CTBP1: variants seen among roughly 807,000 people sequenced by gnomAD.
CTBP1 encodes the protein C-terminal binding protein 1.
In CTBP1, 11 loss-of-function variants were observed where a neutral mutation model predicts 42.1. The observed-to-expected ratio is 0.26, with a 90% CI of 0.16 to 0.43. The LOEUF (loss-of-function observed/expected upper bound fraction) is 0.43, where lower values mean the gene tolerates loss of function less well. Among genes scored for constraint, CTBP1 ranks in the 20% least tolerant of loss-of-function variants. CTBP1 has a pLI of 1.00. For synonymous variants in CTBP1, 324 were observed against 277.1 expected (o/e 1.17, Z -1.68); for missense variants, 399 against 624.3 (o/e 0.64, Z 3.85).
chr4:1,241,758 C>A, intron 1 of CTBP1: 1 of 1,193,352 alleles, frequency 8.4e-7, no homozygotes, highest in South Asian at 1.6e-5. Flanking sequence ...GCCCCTGTGG[C>A]CCCGAGGCCT....
intron 3 of CTBP1, among the ~76,000 whole-genome samples, chr4:1,228,833 C>T (rs1056894282): frequency 6.6e-6 from 1 of 152,194 alleles, no homozygotes; most frequent in Admixed American, 6.5e-5. Context: ...GGTAAGTCCC[C>T]GCGGCACACA....
chr4:1,222,892 C>T (rs1577034132), intron 5 of CTBP1, among the ~76,000 whole-genome samples: 1 of 152,016 alleles, frequency 6.6e-6, no homozygotes, highest in Non-Finnish European at 1.5e-5. Flanking sequence ...CTACTCTTAC[C>T]AGGGGAACTA....
At chr4:1,247,435 G>A (rs1158962102) in intron 1 of CTBP1, among the ~76,000 whole-genome samples, 1 of 152,026 alleles carries the variant, frequency 6.6e-6, no homozygotes, top group Non-Finnish European at 1.5e-5. Flanking sequence ...CCAGACCCCA[G>A]AGGGAGGTGG....
At position 1,238,369 on chromosome 4, in the gene CTBP1, A is replaced by G; in HGVS notation, c.8-32T>C. The G allele has an allele frequency of 5.2e-6, 8 of 1,524,724 alleles. No individual in the cohort carries two copies. The highest frequency in any genetic ancestry group is 7.0e-6 in the Non-Finnish European group (8 of 1,137,308). The allele number at this position is 1,524,724 out of a possible 1,614,324, so 94.4% of individuals were successfully genotyped here. ...GACAGAGGCAAGTGCTCAGCCTTGC[A>G]CCACTGCGGCCCCGTGGCTACAACC... On this transcript the variant is annotated intron_variant, in intron 2 of 9. Coordinates refer to ENST00000382952, the MANE Select transcript of CTBP1 (RefSeq NM_001012614.2). The surrounding 1 kb of genome is among the most constrained non-coding windows in gnomAD (Gnocchi z 5.9).
intron 3 of CTBP1, chr4:1,237,018 A>C (rs1731586887): frequency 1.5e-6 from 1 of 670,036 alleles, no homozygotes; most frequent in Non-Finnish European, 2.7e-6. Flanking sequence ...GCACAGGGCA[A>C]ACCCAGTGTC....
chr4:1,227,190 G>A (rs1037942201), intron 4 of CTBP1, among the ~76,000 whole-genome samples: 1 of 152,030 alleles, frequency 6.6e-6, no homozygotes, highest in Admixed American at 6.5e-5. Context: ...GCAGACGTGC[G>A]TGTTCCATGA....
chr4:1,241,744 C>T (rs1239491246), intron 1 of CTBP1: 2 of 1,198,238 alleles, frequency 1.7e-6, no homozygotes, highest in East Asian at 1.1e-4. Flanking sequence ...AGGCCCGAGG[C>T]CGCGCCCCTG....
chr4:1,247,307 T>C (rs1237580095), intron 1 of CTBP1, among the ~76,000 whole-genome samples: 2 of 151,936 alleles, frequency 1.3e-5, no homozygotes, highest in African/African-American at 4.8e-5. Flanking sequence ...CCAGTGCGTG[T>C]CCCTCCCAGA....
intron 6 of CTBP1, among the ~76,000 whole-genome samples, chr4:1,215,058 C>T (rs558013600): frequency 5.3e-5 from 8 of 152,362 alleles, no homozygotes; most frequent in East Asian, 1.9e-4. Context: ...CACCCAGCCA[C>T]GGTGCTTGGC....
rs1352811117 is a variant in CTBP1 at position 1,233,260 on chromosome 4, G to C, written c.163-4917C>G. On this transcript the variant is annotated intron_variant, in intron 3 of 9. Coordinates refer to ENST00000382952, the MANE Select transcript of CTBP1 (RefSeq NM_001012614.2). This position sits in a 1 kb window ranked among gnomAD's most constrained non-coding sequence, Gnocchi z 4.6. ...TTACCATGACAACGCCAGCTTGTGT[G>C]TTTTTCCCAGTCACCATGACAACGC... 1 of 152,314 alleles carries C rather than the reference G, an allele frequency of 6.6e-6. No individual in the cohort carries two copies. Among genetic ancestry groups the C allele is most frequent in the African/African-American group, 2.4e-5 (1 of 41,462 alleles). The allele number at this position is 152,314 out of a possible 1,614,324, so 9.4% of individuals were successfully genotyped here. A position where few individuals can be genotyped will look rare whatever the true frequency, so the allele number is the denominator to read the frequency against.
chr4:1,245,364 AC>A, intron 1 of CTBP1: 2 of 985,000 alleles, frequency 2.0e-6, no homozygotes, highest in Non-Finnish European at 2.4e-6. Context: ...AGCTCCAGGA[AC>A]CCCCAGAACG....
chr4:1,249,060 G>A lies in CTBP1; in HGVS notation c.-333C>T. 2 of 424,806 alleles carry A rather than the reference G, an allele frequency of 4.7e-6. No individual in the cohort carries two copies. Among genetic ancestry groups the A allele is most frequent in the Non-Finnish European group, 6.2e-6 (2 of 320,700 alleles). 26.3% of individuals were successfully genotyped at this position (424,806 alleles called of 1,614,324 possible). ...GCGCCGTCCGCTGCTCCGCCCGCCC[G>A]CCTGCGCCTGGCCGCCGCCGTGCCG... is the stretch of plus-strand genomic sequence containing the variant. On this transcript the variant is annotated 5_prime_UTR_variant, in exon 1 of 10. Transcript: ENST00000382952.
At chr4:1,243,231 G>A (rs562065623) in intron 1 of CTBP1, 4 of 985,372 alleles carry the variant, frequency 4.1e-6, no homozygotes, top group Non-Finnish European at 4.8e-6. Flanking sequence ...ATCTATACTG[G>A]CCAGTACGTG....
At chr4:1,243,874 A>C (rs1732442723) in intron 1 of CTBP1, 1 of 985,466 alleles carries the variant, frequency 1.0e-6, no homozygotes, top group Non-Finnish European at 1.2e-6. Flanking sequence ...CAGCGACACG[A>C]GGACAGTCTC....
chr4:1,238,463 T>A lies in CTBP1; in HGVS notation c.8-126A>T. ...GCCGGGGGTTTTCTGGTCTATATGT[T>A]GTGATATTTGTAAAAAGTAAATTAA... On this transcript the variant is annotated intron_variant, in intron 2 of 9. Transcript: ENST00000382952. The surrounding 1 kb of genome is among the most constrained non-coding windows in gnomAD (Gnocchi z 5.9). The A allele has an allele frequency of 1.8e-6, 2 of 1,121,070 alleles. No individual in the cohort carries two copies. Among genetic ancestry groups the A allele is most frequent in the Non-Finnish European group, 2.4e-6 (2 of 820,482 alleles). The allele number at this position is 1,121,070 out of a possible 1,614,324, so 69.4% of individuals were successfully genotyped here. A position where few individuals can be genotyped will look rare whatever the true frequency, so the allele number is the denominator to read the frequency against.
chr4:1,215,645 G>C, intron 6 of CTBP1: 1 of 353,316 alleles, frequency 2.8e-6, no homozygotes, highest in South Asian at 2.9e-5. Context: ...TGTGAAACCT[G>C]AACCTGGCAG....
At position 1,215,656 on chromosome 4, in the gene CTBP1, C is replaced by T. The variant is rs919021889; in HGVS notation, c.729+335G>A. The T allele has an allele frequency of 1.3e-4, 48 of 370,462 alleles. No individual in the cohort carries two copies. In the East Asian group the frequency reaches 3.0e-3, roughly 23 times the overall value. The allele number at this position is 370,462 out of a possible 1,614,324, so 22.9% of individuals were successfully genotyped here. Reference sequence around the variant, plus strand: ...CAGATGTGAAACCTGAACCTGGCAGCACGGAAGTCACAAGGGCCGACCCAA... The same window carrying T: ...CAGATGTGAAACCTGAACCTGGCAGTACGGAAGTCACAAGGGCCGACCCAA... On this transcript the variant is annotated intron_variant, in intron 6 of 9. Transcript: ENST00000382952.
intron 2 of CTBP1, among the ~76,000 whole-genome samples, chr4:1,241,031 G>T (rs1263766788): frequency 6.6e-6 from 1 of 152,214 alleles, no homozygotes; most frequent in Non-Finnish European, 1.5e-5. Flanking sequence ...CGTGCTGGCG[G>T]CCTCCACATG....
intron 5 of CTBP1, among the ~76,000 whole-genome samples, chr4:1,225,099 G>A (rs1179833083): frequency 6.6e-6 from 1 of 152,006 alleles, no homozygotes; most frequent in African/African-American, 2.4e-5. Context: ...GTCTGTGTGA[G>A]GCTGTGTGTG....
Sources: allele counts gnomAD v4.1 joint callset (sites outside exome capture counted in the v4.1 genomes callset), GRCh38; gene constraint gnomAD v4.1.1; non-coding constraint Gnocchi (gnomAD v3.1); transcripts MANE v1.5; gene names NCBI Gene and HGNC (gene_info 2026-07-23, HGNC 2026-07-21).